Variants in TAFA1 observed in about 807,000 individuals in gnomAD.
TAFA1 encodes the protein TAFA chemokine like family member 1, also known as chemokine-like protein TAFA-1.
In TAFA1, 4 loss-of-function variants were observed where a neutral mutation model predicts 18.5. That is an observed-to-expected ratio of 0.22 (90% CI 0.11 to 0.49). TAFA1 has a LOEUF of 0.49. Among genes scored for constraint, TAFA1 ranks in the 20% least tolerant of loss-of-function variants. The pLI, the probability that TAFA1 is intolerant of heterozygous loss-of-function variation, is 0.98. For synonymous variants in TAFA1, 56 were observed against 55.2 expected (o/e 1.01, Z -0.06); for missense variants, 147 against 169.0 (o/e 0.87, Z 0.72).
chr3:68,460,667 G>T (rs1342479765), intron 3 of TAFA1, among the ~76,000 whole-genome samples: 2 of 152,248 alleles, frequency 1.3e-5, no homozygotes, highest in East Asian at 1.9e-4. Context: ...CACCTACATA[G>T]TTGCCAGAGA....
chr3:68,376,375 T>A (rs1385994524), intron 2 of TAFA1, among the ~76,000 whole-genome samples: 2 of 151,986 alleles, frequency 1.3e-5, no homozygotes, highest in Non-Finnish European at 1.5e-5. Context: ...CAGTACCCAT[T>A]AGTTAGTTTT....
At chr3:68,380,126 C>T (rs1359239087) in intron 2 of TAFA1, among the ~76,000 whole-genome samples, 4 of 152,090 alleles carry the variant, frequency 2.6e-5, no homozygotes, top group Non-Finnish European at 4.4e-5. Context: ...CATAGTATTC[C>T]ATGGTGTATA....
chr3:68,267,161 A>T (rs1167735816), intron 2 of TAFA1, among the ~76,000 whole-genome samples: 1 of 152,152 alleles, frequency 6.6e-6, no homozygotes, highest in African/African-American at 2.4e-5. Flanking sequence ...CACAGATAAG[A>T]CTTGTTGTGT....
intron 2 of TAFA1, among the ~76,000 whole-genome samples, chr3:68,350,170 C>T (rs72626986): frequency 0.052 from 7,956 of 152,160 alleles, 260 homozygotes; most frequent in East Asian, 0.099. Context: ...TGGTACTCAG[C>T]GCCTCAATCG....
At chr3:68,383,911 T>C (rs1368212437) in intron 2 of TAFA1, among the ~76,000 whole-genome samples, 1 of 152,144 alleles carries the variant, frequency 6.6e-6, no homozygotes, top group Non-Finnish European at 1.5e-5. Context: ...CTTGGGAGGA[T>C]GTATATGTCC....
At chr3:68,241,877 G>A (rs1334628505) in intron 2 of TAFA1, among the ~76,000 whole-genome samples, 5 of 152,294 alleles carry the variant, frequency 3.3e-5, no homozygotes, top group Admixed American at 3.3e-4. Context: ...AGAAAGCGCA[G>A]GGTGTGAGAA....
rs184131247 is a variant in TAFA1, at chr3:68,434,622, T to C, written c.259+17202T>C. On this transcript the variant is annotated intron_variant, in intron 3 of 4. Transcript: ENST00000478136. ...TAATATTCCTGGAAGGCACAAAACATGTATCAGGATGAATTTACACATAAC... is the reference window on the plus strand; with the variant it reads ...TAATATTCCTGGAAGGCACAAAACACGTATCAGGATGAATTTACACATAAC... 1.2e-3 allele frequency among the ~76,000 whole-genome samples: 178 copies of C among 152,224 alleles called. 1 individual carries two copies. Among genetic ancestry groups the C allele is most frequent in the Non-Finnish European group, 6.5e-4 (44 of 68,002 alleles).
At chr3:68,020,089 A>T (rs981131321) in intron 2 of TAFA1, among the ~76,000 whole-genome samples, 1 of 151,814 alleles carries the variant, frequency 6.6e-6, no homozygotes, top group African/African-American at 2.4e-5. Context: ...ACATGGACTT[A>T]CTTGTTTTGT....
intron 2 of TAFA1, among the ~76,000 whole-genome samples, chr3:68,361,478 T>C (rs2069466866): frequency 6.6e-6 from 1 of 151,982 alleles, no homozygotes; most frequent in Non-Finnish European, 1.5e-5. Context: ...TCAAAGTAGC[T>C]ACAAGAGAGG....
chr3:68,416,295 T>C (rs1337263165), intron 2 of TAFA1, among the ~76,000 whole-genome samples: 1 of 152,198 alleles, frequency 6.6e-6, no homozygotes, highest in Admixed American at 6.6e-5. Flanking sequence ...ATGTATCCTC[T>C]ATGTACAGGA....
intron 2 of TAFA1, among the ~76,000 whole-genome samples, chr3:68,229,464 A>T (rs2107112072): frequency 6.6e-6 from 1 of 152,320 alleles, no homozygotes; most frequent in African/African-American, 2.4e-5. Context: ...GGATTTTAAA[A>T]ATCCCAACAT....
chr3:68,257,280 C>G (rs913248903), intron 2 of TAFA1, among the ~76,000 whole-genome samples: 3 of 152,072 alleles, frequency 2.0e-5, no homozygotes, highest in Non-Finnish European at 4.4e-5. Context: ...TTTAAATTGG[C>G]CTCTCCCCAT....
chr3:68,160,304 A>C (rs2065910302), intron 2 of TAFA1, among the ~76,000 whole-genome samples: 1 of 152,196 alleles, frequency 6.6e-6, no homozygotes, highest in Admixed American at 6.5e-5. Flanking sequence ...CAGCCACTCA[A>C]CTCTGCAATG....
intron 2 of TAFA1, among the ~76,000 whole-genome samples, chr3:68,137,557 A>T (rs1427862167): frequency 6.6e-6 from 1 of 152,206 alleles, no homozygotes; most frequent in Admixed American, 6.5e-5. Context: ...AACTAAGACT[A>T]GTAAATGTAT....
chr3:68,450,845 C>T (rs766579176), intron 3 of TAFA1, among the ~76,000 whole-genome samples: 1 of 152,110 alleles, frequency 6.6e-6, no homozygotes, highest in Non-Finnish European at 1.5e-5. Flanking sequence ...TAATTATGAT[C>T]TGATGTTGTG....
intron 2 of TAFA1, among the ~76,000 whole-genome samples, chr3:68,175,191 C>T (rs1032943154): frequency 6.6e-6 from 1 of 152,182 alleles, no homozygotes; most frequent in African/African-American, 2.4e-5. Flanking sequence ...AGGCGCAGGG[C>T]CCTCATGCAG....
chr3:68,436,419 A>G (rs553828106), intron 3 of TAFA1, among the ~76,000 whole-genome samples: 9 of 152,262 alleles, frequency 5.9e-5, no homozygotes, highest in Non-Finnish European at 1.3e-4. Flanking sequence ...GGTGAAGTTC[A>G]TAGGAGAAAC....
At chr3:68,110,877 C>T (rs552716058) in intron 2 of TAFA1, among the ~76,000 whole-genome samples, 1 of 152,106 alleles carries the variant, frequency 6.6e-6, no homozygotes, top group African/African-American at 2.4e-5. Context: ...CTATTATAAA[C>T]CCTTTCTGCT....
chr3:68,343,751 A>C (rs1044834379), intron 2 of TAFA1, among the ~76,000 whole-genome samples: 5 of 151,916 alleles, frequency 3.3e-5, no homozygotes, highest in Non-Finnish European at 7.3e-5. Context: ...CTTGCTGTGA[A>C]CAAAAGCTTG....
Sources: allele counts gnomAD v4.1 joint callset (sites outside exome capture counted in the v4.1 genomes callset), GRCh38; gene constraint gnomAD v4.1.1; transcripts MANE v1.5; gene names NCBI Gene and HGNC (gene_info 2026-07-23, HGNC 2026-07-21).